Variants in OXR1 observed in about 807,000 individuals in gnomAD.
The protein encoded by OXR1 is oxidation resistance protein 1.
Under a neutral mutation model 104.6 loss-of-function variants are expected in OXR1, and 41 were observed. That is an observed-to-expected ratio of 0.39 (90% confidence interval 0.31 to 0.51). The LOEUF (loss-of-function observed/expected upper bound fraction) is 0.51, where lower values mean the gene tolerates loss of function less well. Ranked by LOEUF, OXR1 falls within the 20% of genes least tolerant of loss-of-function variation. The pLI, the probability that OXR1 is intolerant of heterozygous loss-of-function variation, is 0.77. For synonymous variants in OXR1, 348 were observed against 348.4 expected, an observed-to-expected ratio of 1.00 and a Z score of 0.01; for missense variants, 955 against 1,031.9, an observed-to-expected ratio of 0.93 and a Z score of 1.02.
chr8:106,536,089 G>A (rs538185768), intron 3 of OXR1, among the ~76,000 whole-genome samples: 19 of 151,726 alleles, frequency 1.3e-4, no homozygotes, highest in South Asian at 4.2e-4. Context: ...GCGTGGTGGC[G>A]GGCGCCTGTA....
intron 2 of OXR1, among the ~76,000 whole-genome samples, chr8:106,504,710 AT>A (rs1812042081): frequency 6.6e-6 from 1 of 152,216 alleles, no homozygotes; most frequent in Non-Finnish European, 1.5e-5. Context: ...ATCAGATTTT[AT>A]TATTCTTTGA....
At chr8:106,420,435 T>C (rs1818858519) in intron 2 of OXR1, among the ~76,000 whole-genome samples, 1 of 151,992 alleles carries the variant, frequency 6.6e-6, no homozygotes, top group Non-Finnish European at 1.5e-5. Flanking sequence ...TTACAGTTAC[T>C]TAGGGTTTTT....
chr8:106,406,355 A>G (rs919283192), intron 2 of OXR1, among the ~76,000 whole-genome samples: 5 of 151,896 alleles, frequency 3.3e-5, no homozygotes, highest in African/African-American at 4.8e-5. Flanking sequence ...ACTTATTCAT[A>G]TATATATATA....
At chr8:106,700,228 C>G (rs35919651) in intron 7 of OXR1, among the ~76,000 whole-genome samples, 21,214 of 152,006 alleles carry the variant, frequency 0.14, 1,801 homozygotes, top group East Asian at 0.37. Context: ...TTAATATAAT[C>G]CTGATAATAT....
At position 106,715,440 on chromosome 8, in the gene OXR1, T is replaced by TTA. The variant is rs780896215; in HGVS notation, c.1956+1469_1956+1470dup. 4.1e-3 allele frequency among the ~76,000 whole-genome samples: 601 copies of TTA among 147,130 alleles called. 8 individuals are homozygous for TTA. In the East Asian group the frequency reaches 0.05, roughly 12 times the overall value. ...TACGTATATAATATATATATGTATCTTATATATATATATATTATATACATC... is the reference window on the plus strand; with the variant it reads ...TACGTATATAATATATATATGTATCTTATATATATATATATATTATATACATC... On this transcript the variant is annotated intron_variant, in intron 11 of 16. Coordinates refer to ENST00000517566, the MANE Select transcript of OXR1 (RefSeq NM_001198533.2).
At chr8:106,309,653 T>C (rs1168294695) in intron 1 of OXR1, among the ~76,000 whole-genome samples, 1 of 151,758 alleles carries the variant, frequency 6.6e-6, no homozygotes, top group Non-Finnish European at 1.5e-5. Context: ...CTTTGAGAGA[T>C]AAAATTTGTT....
At chr8:106,513,943 A>G (rs1444081627) in intron 2 of OXR1, among the ~76,000 whole-genome samples, 1 of 152,130 alleles carries the variant, frequency 6.6e-6, no homozygotes. Flanking sequence ...GCAGAGGAAT[A>G]AGATTGTTCT....
At chr8:106,551,870 G>A (rs76173801) in intron 3 of OXR1, among the ~76,000 whole-genome samples, 8,768 of 144,540 alleles carry the variant, frequency 0.061, 401 homozygotes, top group African/African-American at 0.12. Context: ...ATGTGTGTGT[G>A]TGTGTGTGTG....
At chr8:106,712,498 A>G (rs1587198522) in intron 10 of OXR1, among the ~76,000 whole-genome samples, 2 of 152,092 alleles carry the variant, frequency 1.3e-5, no homozygotes, top group Non-Finnish European at 2.9e-5. Context: ...TATCTTGACC[A>G]TACTGTTTTT....
At chr8:106,578,645 A>G (rs1818018801) in intron 3 of OXR1, among the ~76,000 whole-genome samples, 1 of 152,248 alleles carries the variant, frequency 6.6e-6, no homozygotes, top group East Asian at 1.9e-4. Context: ...GTGTCATTGT[A>G]AAATTGTGAC....
chr8:106,374,016 T>C (rs896769632), intron 2 of OXR1, among the ~76,000 whole-genome samples: 2 of 152,238 alleles, frequency 1.3e-5, no homozygotes, highest in African/African-American at 4.8e-5. Flanking sequence ...ATTACAGAAG[T>C]CACTCGTGTA....
At chr8:106,668,533 G>T (rs1826592334) in intron 3 of OXR1, among the ~76,000 whole-genome samples, 1 of 152,132 alleles carries the variant, frequency 6.6e-6, no homozygotes, top group Admixed American at 6.6e-5. Flanking sequence ...GAAGATCTCT[G>T]GTTTTGAGAT....
At chr8:106,636,176 A>T (rs764011555) in intron 3 of OXR1, among the ~76,000 whole-genome samples, 1 of 152,222 alleles carries the variant, frequency 6.6e-6, no homozygotes, top group Non-Finnish European at 1.5e-5. Context: ...TCTCATTCTT[A>T]TAAGTGCGAA....
intron 1 of OXR1, among the ~76,000 whole-genome samples, chr8:106,353,891 C>A (rs1034532202): frequency 3.3e-5 from 5 of 152,106 alleles, no homozygotes; most frequent in African/African-American, 1.2e-4. Flanking sequence ...TAACATCTTC[C>A]CACTACCTCC....
At chr8:106,320,681 G>T (rs1279304364) in intron 1 of OXR1, among the ~76,000 whole-genome samples, 3 of 75,258 alleles carry the variant, frequency 4.0e-5, no homozygotes, top group South Asian at 3.3e-4. Context: ...TCTTTTTTTG[G>T]GGGGGGCGGG....
At chr8:106,667,627 T>C (rs1229132671) in intron 3 of OXR1, among the ~76,000 whole-genome samples, 1 of 152,180 alleles carries the variant, frequency 6.6e-6, no homozygotes, top group African/African-American at 2.4e-5. Context: ...TCATTCTTTT[T>C]TCACATGCCA....
intron 2 of OXR1, among the ~76,000 whole-genome samples, chr8:106,440,985 T>G (rs771787887): frequency 1.3e-5 from 2 of 152,134 alleles, no homozygotes; most frequent in African/African-American, 4.8e-5. Context: ...ATTTATAAAC[T>G]TCTGTTTAAA....
At chr8:106,405,239 GTA>G (rs1554634713) in intron 2 of OXR1, among the ~76,000 whole-genome samples, 3 of 133,054 alleles carry the variant, frequency 2.3e-5, no homozygotes, top group Non-Finnish European at 3.2e-5. Flanking sequence ...GTGTGTGTGT[GTA>G]TAGGCTCATG....
intron 2 of OXR1, among the ~76,000 whole-genome samples, chr8:106,438,364 C>T (rs906240110): frequency 6.6e-6 from 1 of 152,000 alleles, no homozygotes; most frequent in Non-Finnish European, 1.5e-5. Flanking sequence ...GAAAAACACA[C>T]CCTGAATTTC....
Sources: gnomAD v4.1 joint callset for allele counts (sites outside exome capture counted in the v4.1 genomes callset) on GRCh38, gnomAD v4.1.1 for gene constraint, MANE v1.5 for transcripts, NCBI Gene and HGNC (gene_info 2026-07-23, HGNC 2026-07-21) for gene names.